MTHFD2L: variants seen among roughly 807,000 people sequenced by gnomAD.
MTHFD2L encodes the protein bifunctional methylenetetrahydrofolate dehydrogenase/cyclohydrolase 2, mitochondrial.
In MTHFD2L, 29 loss-of-function variants were observed where a neutral mutation model predicts 34.9. The ratio of observed to expected loss-of-function variants is 0.83; its 90% CI spans 0.62 to 1.13. MTHFD2L has a LOEUF of 1.13. Among genes scored for constraint, MTHFD2L ranks in the 50% most tolerant of loss-of-function variants. The probability of loss-of-function intolerance (pLI) is 0.00; values close to 1 mark genes in which losing one functional copy is unlikely to be tolerated. For missense variants in MTHFD2L, 481 were observed against 446.5 expected (o/e 1.08, Z -0.70); for synonymous variants, 167 against 155.7 (o/e 1.07, Z -0.54).
chr4:74,237,343 T>C (rs780473211), intron 6 of MTHFD2L, among the ~76,000 whole-genome samples: 3 of 152,130 alleles, frequency 2.0e-5, no homozygotes, highest in Non-Finnish European at 4.4e-5. Flanking sequence ...TGAATTCCTT[T>C]CTTTAGAAGT....
intron 1 of MTHFD2L, among the ~76,000 whole-genome samples, chr4:74,149,419 A>G (rs1425123434): frequency 6.8e-6 from 1 of 147,254 alleles, no homozygotes. Flanking sequence ...AAATGAATGA[A>G]TTATAGCTAC....
At chr4:74,131,222 T>C (rs1722470778) in intron 1 of MTHFD2L, among the ~76,000 whole-genome samples, 1 of 152,156 alleles carries the variant, frequency 6.6e-6, no homozygotes, top group Non-Finnish European at 1.5e-5. Flanking sequence ...TTCACAGAAT[T>C]AGAAAAAGCT....
intron 3 of MTHFD2L, among the ~76,000 whole-genome samples, chr4:74,192,156 T>A (rs201876458): frequency 6.6e-6 from 1 of 152,010 alleles, no homozygotes; most frequent in Non-Finnish European, 1.5e-5. Context: ...ACAAATATAT[T>A]TACTAGATGT....
At chr4:74,202,157 T>C (rs114075527) in intron 5 of MTHFD2L, among the ~76,000 whole-genome samples, 2,700 of 152,318 alleles carry the variant, frequency 0.018, 74 homozygotes, top group African/African-American at 0.061. Flanking sequence ...GCAAGACTTA[T>C]GTTTATTCAG....
At chr4:74,197,128 C>A (rs188674264) in intron 3 of MTHFD2L, among the ~76,000 whole-genome samples, 5 of 152,102 alleles carry the variant, frequency 3.3e-5, no homozygotes, top group Non-Finnish European at 7.4e-5. Flanking sequence ...GGGGAAAACA[C>A]AAAGTGAATA....
At chr4:74,198,801 C>A (rs910360112) in intron 3 of MTHFD2L, among the ~76,000 whole-genome samples, 1 of 152,038 alleles carries the variant, frequency 6.6e-6, no homozygotes, top group African/African-American at 2.4e-5. Context: ...GACTCAGTTT[C>A]TATTTGAATA....
chr4:74,194,162 GTT>G (rs963670455), intron 3 of MTHFD2L: 4 of 152,140 alleles, frequency 2.6e-5, no homozygotes, highest in Admixed American at 6.5e-5. Flanking sequence ...TTTCCTGTGT[GTT>G]TGTTCAGGGG....
chr4:74,264,653 G>A (rs948786803), intron 6 of MTHFD2L, among the ~76,000 whole-genome samples: 1 of 151,642 alleles, frequency 6.6e-6, no homozygotes, highest in African/African-American at 2.4e-5. Context: ...ATTTTTAAGG[G>A]CAGTGAATTT....
chr4:74,173,199 C>T (rs1410171767), intron 1 of MTHFD2L, among the ~76,000 whole-genome samples: 1 of 152,086 alleles, frequency 6.6e-6, no homozygotes, highest in Non-Finnish European at 1.5e-5. Flanking sequence ...TTATCAGATA[C>T]CTTTAAAAAA....
In MTHFD2L at chr4:74,279,733, G is replaced by C. The variant is rs188956529; in HGVS notation, c.806-1692G>C. Among the ~76,000 whole-genome samples the C allele has an allele frequency of 5.3e-5, 8 of 152,124 alleles. No individual in the cohort carries two copies. The East Asian group carries it at 1.5e-3, about 29-fold the overall frequency. The stretch of plus-strand genomic sequence containing the variant: ...GTCTTCTTTTTCTATTGGATGCCAA[G>C]AAGAAACAGGATTTTATGACTATCT... On this transcript the variant is annotated intron_variant, in intron 6 of 7. Transcript: ENST00000325278.
chr4:74,161,460 A>G (rs1178409151), intron 1 of MTHFD2L: 1 of 152,208 alleles, frequency 6.6e-6, no homozygotes, highest in African/African-American at 2.4e-5. Flanking sequence ...CTGAAATGAG[A>G]TATAATAGCC....
At chr4:74,260,512 A>G (rs963399967) in intron 6 of MTHFD2L, among the ~76,000 whole-genome samples, 5 of 152,098 alleles carry the variant, frequency 3.3e-5, no homozygotes, top group Non-Finnish European at 7.4e-5. Context: ...AAAAGCTATT[A>G]AGGCACTCAC....
At chr4:74,283,443 T>G (rs762754051) in intron 7 of MTHFD2L, among the ~76,000 whole-genome samples, 2 of 152,060 alleles carry the variant, frequency 1.3e-5, no homozygotes, top group Non-Finnish European at 2.9e-5. Flanking sequence ...TGTATCTAAG[T>G]ATATATAAAA....
chr4:74,152,234 T>C (rs1215664607), intron 1 of MTHFD2L, among the ~76,000 whole-genome samples: 2 of 152,094 alleles, frequency 1.3e-5, no homozygotes, highest in African/African-American at 4.8e-5. Flanking sequence ...ATTCCTTCTC[T>C]ATGATTTGGA....
Position 74,246,951 on chromosome 4 carries a change from T to A in MTHFD2L, c.805+21557T>A, listed in dbSNP as rs550504294. ...TTGTTCCTTTGGCTTAGGATTGACT[T>A]GGCGATGCGGCCTCTTTTTTGGTTC... On this transcript the variant is annotated intron_variant, in intron 6 of 7. Transcript: ENST00000325278. Among the ~76,000 whole-genome samples the A allele has an allele frequency of 2.0e-5, 3 of 152,278 alleles. No individual in the cohort carries two copies. In the East Asian group the frequency reaches 5.8e-4, roughly 29 times the overall value.
At chr4:74,290,255 A>G (rs1349733567) in intron 7 of MTHFD2L, among the ~76,000 whole-genome samples, 2 of 152,206 alleles carry the variant, frequency 1.3e-5, no homozygotes, top group African/African-American at 4.8e-5. Context: ...GAAGCTCAGT[A>G]TCATTATCCT....
intron 6 of MTHFD2L, among the ~76,000 whole-genome samples, chr4:74,249,305 C>G (rs1742969216): frequency 1.3e-5 from 2 of 151,600 alleles, no homozygotes; most frequent in African/African-American, 2.4e-5. Context: ...GATTGCAACC[C>G]CTGCCTTTTT....
chr4:74,300,959 G>A (rs557584806), intron 7 of MTHFD2L, among the ~76,000 whole-genome samples: 8 of 152,146 alleles, frequency 5.3e-5, no homozygotes, highest in Non-Finnish European at 1.0e-4. Flanking sequence ...GTGATCTCAT[G>A]GCTGACTGGG....
chr4:74,204,693 T>C (rs1735002532), intron 5 of MTHFD2L, among the ~76,000 whole-genome samples: 1 of 152,170 alleles, frequency 6.6e-6, no homozygotes, highest in Non-Finnish European at 1.5e-5. Context: ...GAATTATATA[T>C]TTGTCTATAA....
Sources: allele counts gnomAD v4.1 joint callset (sites outside exome capture counted in the v4.1 genomes callset), GRCh38; gene constraint gnomAD v4.1.1; transcripts MANE v1.5; gene names NCBI Gene and HGNC (gene_info 2026-07-23, HGNC 2026-07-21).